KCND2: variants seen among roughly 807,000 people sequenced by gnomAD.
The protein encoded by KCND2 is potassium voltage-gated channel subfamily D member 2, also known as A-type voltage-gated potassium channel KCND2.
KCND2 carries 16 observed loss-of-function variants against 54.4 expected under a neutral mutation model. The observed-to-expected ratio is 0.29, with a 90% CI of 0.20 to 0.45. KCND2 has a LOEUF of 0.45. Among genes scored for constraint, KCND2 ranks in the 20% least tolerant of loss-of-function variants. KCND2 has a pLI of 1.00. For synonymous variants in KCND2, 317 were observed against 310.7 expected (o/e 1.02, Z -0.21); for missense variants, 486 against 824.2 (o/e 0.59, Z 5.02).
rs113914376 is a variant in KCND2 at position 120,550,132 on chromosome 7, C to G, written c.1116-182771C>G. ...ATCTCACCACCCTGCCACCCCCACTCCACGCCATAACCAATAATTACAGGT... is the reference window on the plus strand; with the variant it reads ...ATCTCACCACCCTGCCACCCCCACTGCACGCCATAACCAATAATTACAGGT... On this transcript the variant is annotated intron_variant, in intron 1 of 5. Coordinates refer to ENST00000331113, the MANE Select transcript of KCND2 (RefSeq NM_012281.3). Among the ~76,000 whole-genome samples the G allele has an allele frequency of 4.7e-3, 719 of 152,112 alleles. 5 individuals are homozygous for G. Among genetic ancestry groups the G allele is most frequent in the African/African-American group, 0.016 (680 of 41,504 alleles).
At chr7:120,280,838 T>G (rs1055596700) in intron 1 of KCND2, among the ~76,000 whole-genome samples, 2 of 152,104 alleles carry the variant, frequency 1.3e-5, no homozygotes, top group Admixed American at 1.3e-4. Context: ...CTGCTGCTGA[T>G]TATACAGGGA....
At chr7:120,651,630 C>G (rs10227371) in intron 1 of KCND2, among the ~76,000 whole-genome samples, 3,233 of 152,250 alleles carry the variant, frequency 0.021, 110 homozygotes, top group African/African-American at 0.073. Flanking sequence ...GTCCTGCACC[C>G]AGTGTCCGAC....
chr7:120,349,327 A>AC (rs1554429904), intron 1 of KCND2, among the ~76,000 whole-genome samples: 5 of 144,464 alleles, frequency 3.5e-5, no homozygotes, highest in Non-Finnish European at 7.6e-5. Context: ...CACACACACA[A>AC]ACACACACAC....
At chr7:120,400,372 CA>C (rs1342379294) in intron 1 of KCND2, among the ~76,000 whole-genome samples, 2 of 152,120 alleles carry the variant, frequency 1.3e-5, no homozygotes, top group African/African-American at 4.8e-5. Flanking sequence ...TCCAATAAAG[CA>C]AAGTCATGTC....
chr7:120,593,503 A>G (rs1294629452), intron 1 of KCND2, among the ~76,000 whole-genome samples: 1 of 152,172 alleles, frequency 6.6e-6, no homozygotes, highest in African/African-American at 2.4e-5. Flanking sequence ...CAAGCCAAGC[A>G]GTTGACTATG....
intron 1 of KCND2, among the ~76,000 whole-genome samples, chr7:120,731,760 G>T (rs1036236848): frequency 1.3e-5 from 2 of 152,190 alleles, no homozygotes; most frequent in African/African-American, 4.8e-5. Context: ...GTCATAAAGA[G>T]ACTTGAATGG....
At chr7:120,584,955 A>G (rs73721426) in intron 1 of KCND2, among the ~76,000 whole-genome samples, 12,897 of 152,198 alleles carry the variant, frequency 0.085, 634 homozygotes, top group South Asian at 0.09. Context: ...TTTTTTCAGT[A>G]TATTTGCCTT....
Position 120,358,952 on chromosome 7 carries a change from A to G in KCND2, c.1115+83205A>G, listed in dbSNP as rs150712206. Among the ~76,000 whole-genome samples the G allele has an allele frequency of 1.9e-4, 29 of 152,302 alleles. No homozygotes were observed. In the East Asian group the frequency reaches 5.6e-3, roughly 29 times the overall value. ...AAAATGCATACATTGTAAACTTAAT[A>G]TTGACTCTAACAGCAGAAGCTGTTC... is the stretch of plus-strand genomic sequence containing the variant. On this transcript the variant is annotated intron_variant, in intron 1 of 5. Transcript: ENST00000331113.
Position 120,324,615 on chromosome 7 carries a change from A to G in KCND2, c.1115+48868A>G, listed in dbSNP as rs1388264825. Among the ~76,000 whole-genome samples the G allele has an allele frequency of 2.1e-5, 3 of 146,138 alleles. No individual in the cohort carries two copies. In the South Asian group the frequency reaches 6.6e-4, roughly 32 times the overall value. ...GTCAAAGATCAGATAGTTGTAGATA[A>G]GCGGTGTTATTTCTGAGGGCTCTGT... On this transcript the variant is annotated intron_variant, in intron 1 of 5. Coordinates refer to ENST00000331113, the MANE Select transcript of KCND2 (RefSeq NM_012281.3).
intron 2 of KCND2, among the ~76,000 whole-genome samples, chr7:120,736,586 G>A (rs1792873443): frequency 6.6e-6 from 1 of 151,864 alleles, no homozygotes; most frequent in Non-Finnish European, 1.5e-5. Context: ...ATACTCACAG[G>A]CTAACCTGTG....
chr7:120,733,137 A>G (rs1792828357), intron 2 of KCND2, 72 bp downstream of exon 2: 1 of 1,493,042 alleles, frequency 6.7e-7, no homozygotes, highest in Non-Finnish European at 9.3e-7. Context: ...AAATTTCTTA[A>G]TGGTTATTCA....
intron 1 of KCND2, among the ~76,000 whole-genome samples, chr7:120,568,513 C>A (rs1792325552): frequency 6.6e-6 from 1 of 152,038 alleles, no homozygotes; most frequent in African/African-American, 2.4e-5. Context: ...GTATTAAAAT[C>A]AAACCCCAGG....
intron 3 of KCND2, chr7:120,742,303 T>A (rs1319064796): frequency 1.8e-6 from 1 of 554,134 alleles, no homozygotes; most frequent in East Asian, 3.1e-5. Flanking sequence ...CAAGGAGGCA[T>A]GTCTAAAAGA....
chr7:120,412,531 A>T (rs1448098680), intron 1 of KCND2, among the ~76,000 whole-genome samples: 1 of 151,726 alleles, frequency 6.6e-6, no homozygotes, highest in Non-Finnish European at 1.5e-5. Context: ...ATTGTATTAC[A>T]TCAGTCCTCT....
chr7:120,553,413 T>G (rs961769759), intron 1 of KCND2, among the ~76,000 whole-genome samples: 2 of 152,248 alleles, frequency 1.3e-5, no homozygotes, highest in African/African-American at 2.4e-5. Context: ...CACATTTTTC[T>G]TATCCATTCA....
intron 1 of KCND2, among the ~76,000 whole-genome samples, chr7:120,420,810 A>G (rs1801600313): frequency 6.6e-6 from 1 of 152,212 alleles, no homozygotes; most frequent in Non-Finnish European, 1.5e-5. Context: ...TTTGAAGATG[A>G]TTGCTGGCAA....
At chr7:120,548,380 T>C (rs1359701505) in intron 1 of KCND2, among the ~76,000 whole-genome samples, 4 of 152,108 alleles carry the variant, frequency 2.6e-5, no homozygotes, top group African/African-American at 7.2e-5. Context: ...CATCGGCTAC[T>C]AGGGAAGCAA....
intron 1 of KCND2, among the ~76,000 whole-genome samples, chr7:120,468,946 T>A (rs1484954975): frequency 2.6e-5 from 4 of 152,116 alleles, no homozygotes; most frequent in Admixed American, 2.0e-4. Context: ...TTAGAACTTA[T>A]TTAGGAAACA....
intron 1 of KCND2, among the ~76,000 whole-genome samples, chr7:120,420,504 T>G (rs966563225): frequency 6.6e-6 from 1 of 152,180 alleles, no homozygotes; most frequent in Non-Finnish European, 1.5e-5. Flanking sequence ...TTCTGGGTAC[T>G]GTAGAAGTTC....
Sources: allele counts gnomAD v4.1 joint callset (sites outside exome capture counted in the v4.1 genomes callset), GRCh38; gene constraint gnomAD v4.1.1; transcripts MANE v1.5; gene names NCBI Gene and HGNC (gene_info 2026-07-23, HGNC 2026-07-21).